Variants in LRRC37A2 observed in about 807,000 individuals in gnomAD.
The protein encoded by LRRC37A2 is leucine-rich repeat-containing protein 37A2.
LRRC37A2 carries 9 observed loss-of-function variants against 68.8 expected under a neutral mutation model. That is an observed-to-expected ratio of 0.13 (90% CI 0.08 to 0.23). The LOEUF (loss-of-function observed/expected upper bound fraction) is 0.23, where lower values mean the gene tolerates loss of function less well. LRRC37A2 is among the 10% of genes least tolerant of loss of function. The pLI, the probability that LRRC37A2 is intolerant of heterozygous loss-of-function variation, is 1.00. For synonymous variants in LRRC37A2, 63 were observed against 367.6 expected, an observed-to-expected ratio of 0.17 and a Z score of 9.48; for missense variants, 168 against 950.4, an observed-to-expected ratio of 0.18 and a Z score of 10.82.
At chr17:46,684,610 C>T in the LRRC37A2 span, among the ~76,000 whole-genome samples, 632 of 152,028 alleles carry the variant, frequency 4.2e-3, 5 homozygotes, top group Middle Eastern at 0.024. Context: ...CATCTACAAC[C>T]ATCTGATCTT....
At chr17:47,012,285 T>C in the LRRC37A2 span, among the ~76,000 whole-genome samples, 1 of 152,144 alleles carries the variant, frequency 6.6e-6, no homozygotes, top group Admixed American at 6.5e-5. Context: ...TCATCTATTT[T>C]GATGGTCTAA....
chr17:46,763,831 C>CAAAAAAAAAAAAAAAAAAAA, the LRRC37A2 span: 2 of 123,700 alleles, frequency 1.6e-5, no homozygotes, highest in Non-Finnish European at 1.6e-5. Flanking sequence ...CCACTACCAC[C>CAAAAAAAAAAAAAAAAAAAA]AAAAAAAAAA....
chr17:46,548,788 C>T (rs1345660869), exon 10 of LRRC37A2: 2 of 1,611,738 alleles, frequency 1.2e-6, no homozygotes, highest in East Asian at 2.2e-5. Context: ...GGTGGAACAG[C>T]CCCACACACA....
chr17:46,976,178 G>A, the LRRC37A2 span, among the ~76,000 whole-genome samples: 2 of 151,318 alleles, frequency 1.3e-5, no homozygotes, highest in South Asian at 2.1e-4. Flanking sequence ...TGCCCGCCTC[G>A]GCCTCCCAAA....
At chr17:46,999,858 G>A in the LRRC37A2 span, among the ~76,000 whole-genome samples, 5 of 150,608 alleles carry the variant, frequency 3.3e-5, no homozygotes, top group African/African-American at 1.2e-4. Flanking sequence ...AATTAGCCGG[G>A]TGTGGTGGCG....
chr17:46,721,773 C>T, the LRRC37A2 span: 1 of 1,602,058 alleles, frequency 6.2e-7, no homozygotes, highest in Non-Finnish European at 8.5e-7. Context: ...AAGACCAAGT[C>T]CTCAAGGAAG....
chr17:47,002,393 T>A, the LRRC37A2 span, among the ~76,000 whole-genome samples: 3 of 151,774 alleles, frequency 2.0e-5, no homozygotes, highest in Middle Eastern at 3.4e-3. Flanking sequence ...TTTTTATTTT[T>A]TTTTTTTAGT....
chr17:46,956,372 C>T, the LRRC37A2 span, among the ~76,000 whole-genome samples: 1 of 149,840 alleles, frequency 6.7e-6, no homozygotes, highest in Non-Finnish European at 1.5e-5. Context: ...CTCACTGCAA[C>T]CTCCACCTCC....
chr17:46,931,981 C>T, the LRRC37A2 span: 91 of 1,186,956 alleles, frequency 7.7e-5, no homozygotes, highest in Non-Finnish European at 1.0e-4. Context: ...AAGGAAACGC[C>T]GTCTTTCCTC....
At chr17:46,714,292 G>A in the LRRC37A2 span, among the ~76,000 whole-genome samples, 44 of 152,236 alleles carry the variant, frequency 2.9e-4, no homozygotes, top group African/African-American at 1.0e-3. Context: ...TGAATAAAGT[G>A]GACAAATTCA....
the LRRC37A2 span, chr17:46,932,948 A>G: frequency 6.6e-6 from 1 of 152,414 alleles, no homozygotes; most frequent in Non-Finnish European, 1.5e-5. Context: ...TAAAATTCAC[A>G]TCATTTCCTG....
At chr17:46,494,916 G>A in the LRRC37A2 span, among the ~76,000 whole-genome samples, 3 of 151,070 alleles carry the variant, frequency 2.0e-5, no homozygotes, top group South Asian at 2.1e-4. Context: ...AAACTGAAAC[G>A]TATTCCTTCT....
At chr17:46,671,889 A>AT in the LRRC37A2 span, among the ~76,000 whole-genome samples, 234 of 141,846 alleles carry the variant, frequency 1.6e-3, 9 homozygotes, top group East Asian at 0.013. Context: ...TTGCAAATGT[A>AT]TTTTTTTTTT....
chr17:46,920,976 GTTCT>G, the LRRC37A2 span: 11 of 151,892 alleles, frequency 7.2e-5, no homozygotes, highest in East Asian at 2.1e-3. Flanking sequence ...TTTGAAACTT[GTTCT>G]TTGTTTCTGC....
chr17:46,812,803 G>A, the LRRC37A2 span, among the ~76,000 whole-genome samples: 2 of 152,234 alleles, frequency 1.3e-5, no homozygotes, highest in East Asian at 1.9e-4. Context: ...GCTTCAGTGA[G>A]CCAATAGCTT....
the LRRC37A2 span, chr17:46,755,248 A>C: frequency 1.6e-6 from 2 of 1,235,286 alleles, no homozygotes; most frequent in Non-Finnish European, 1.2e-6. Context: ...CTGCCTTCTC[A>C]TGAAGCAAGT....
At chr17:47,037,180 C>T in the LRRC37A2 span, among the ~76,000 whole-genome samples, 1 of 150,744 alleles carries the variant, frequency 6.6e-6, no homozygotes, top group Non-Finnish European at 1.5e-5. Context: ...ATCCCAGCTA[C>T]TCAGGAGGCT....
the LRRC37A2 span, among the ~76,000 whole-genome samples, chr17:46,942,468 G>A: frequency 8.5e-5 from 13 of 152,180 alleles, no homozygotes; most frequent in African/African-American, 2.9e-4. Context: ...ATCCAGCTTG[G>A]AACCATGGGC....
the LRRC37A2 span, chr17:46,966,430 C>T: frequency 3.3e-6 from 2 of 597,552 alleles, no homozygotes. Context: ...GTGGCACAGC[C>T]TTGACCTGCT....
Sources: allele counts gnomAD v4.1 joint callset (sites outside exome capture counted in the v4.1 genomes callset), GRCh38; gene constraint gnomAD v4.1.1; transcripts MANE v1.5; gene names NCBI Gene and HGNC (gene_info 2026-07-23, HGNC 2026-07-21).